Variants in KCNQ1OT1 observed in about 807,000 individuals in gnomAD.
KCNQ1OT1 encodes the protein KCNQ1 antisense RNA 2 (non-protein coding).
At position 2,658,332 on chromosome 11, in the gene KCNQ1OT1, G is replaced by A. The variant is rs1849888369; in HGVS notation, n.41663C>T. ...GAAGATTTGTCCCTCTCCTCCAATT[G>A]TTTATTTAATTTTATCAGTGTGGAT... On this transcript the variant is annotated non_coding_transcript_exon_variant, in exon 1 of 1. Transcript: ENST00000597346. This position sits in a 1 kb window ranked among gnomAD's most constrained non-coding sequence, Gnocchi z 4.9. The A allele has an allele frequency of 2.5e-6, 1 of 398,288 alleles. No individual in the cohort carries two copies. Among genetic ancestry groups the A allele is most frequent in the Non-Finnish European group, 4.4e-6 (1 of 225,978 alleles). The allele number at this position is 398,288 out of a possible 1,614,324, so 24.7% of individuals were successfully genotyped here.
chr11:2,672,201 A>C, exon 1 of KCNQ1OT1: 1 of 398,576 alleles, frequency 2.5e-6, no homozygotes, highest in South Asian at 1.3e-4. Context: ...CTGATTTGTT[A>C]AGTTAAATTG....
At position 2,664,421 on chromosome 11, in the gene KCNQ1OT1, C is replaced by T. The variant is rs1850025833; in HGVS notation, n.35574G>A. Reference sequence around the variant, plus strand: ...AGGGGAGAGTGGGCACGTACAGTGTCAGGGCCTAGGAACCCAGGCTCCTCT... The same window carrying T: ...AGGGGAGAGTGGGCACGTACAGTGTTAGGGCCTAGGAACCCAGGCTCCTCT... On this transcript the variant is annotated non_coding_transcript_exon_variant, in exon 1 of 1. Transcript: ENST00000597346. The surrounding 1 kb of genome is among the most constrained non-coding windows in gnomAD (Gnocchi z 5.1). 7.5e-6 allele frequency: 3 copies of T among 398,532 alleles called. No homozygotes were observed. Among genetic ancestry groups the T allele is most frequent in the African/African-American group, 4.1e-5 (2 of 48,610 alleles). The allele number at this position is 398,532 out of a possible 1,614,324, so 24.7% of individuals were successfully genotyped here.
rs530867557 is a variant in KCNQ1OT1 at position 2,674,440 on chromosome 11, G to A, written n.25555C>T. The A allele has an allele frequency of 4.0e-5, 16 of 398,668 alleles. 1 individual carries two copies. In the East Asian group the frequency reaches 5.7e-4, roughly 14 times the overall value. 24.7% of individuals were successfully genotyped at this position (398,668 alleles called of 1,614,324 possible). ...GCGCGCACACGACCACAGAGGCTGG[G>A]GGGAGGCACGTGGGGAGGAGGGCTG... On this transcript the variant is annotated non_coding_transcript_exon_variant, in exon 1 of 1. Transcript: ENST00000597346. This position sits in a 1 kb window ranked among gnomAD's most constrained non-coding sequence, Gnocchi z 5.9.
chr11:2,690,601 G>A lies in KCNQ1OT1; in HGVS notation n.9394C>T. 2.5e-6 allele frequency: 1 copy of A among 398,664 alleles called. No homozygotes were observed. The highest frequency in any genetic ancestry group is 3.6e-5 in the East Asian group (1 of 28,076). The allele number at this position is 398,664 out of a possible 1,614,324, so 24.7% of individuals were successfully genotyped here. ...AACCCACCTCCTGGCAGGGAGTGGG[G>A]CACACATATGTGCATGTTCATATAT... On this transcript the variant is annotated non_coding_transcript_exon_variant, in exon 1 of 1. Transcript: ENST00000597346. The surrounding 1 kb of genome is among the most constrained non-coding windows in gnomAD (Gnocchi z 5.1).
At chr11:2,610,201 A>C (rs1182803335) in exon 1 of KCNQ1OT1, 1 of 397,802 alleles carries the variant, frequency 2.5e-6, no homozygotes, top group Non-Finnish European at 4.4e-6. Flanking sequence ...TCTAGGGCTT[A>C]CCTTATGTAT....
exon 1 of KCNQ1OT1, chr11:2,693,763 G>C: frequency 2.5e-6 from 1 of 398,720 alleles, no homozygotes; most frequent in African/African-American, 2.1e-5. Context: ...CCAGTAACCT[G>C]GACATGCTGG....
exon 1 of KCNQ1OT1, chr11:2,665,744 C>G: frequency 2.5e-6 from 1 of 398,516 alleles, no homozygotes; most frequent in Non-Finnish European, 4.4e-6. Flanking sequence ...CCCCCAAAGC[C>G]CCAGGCATGG....
chr11:2,638,495 T>C (rs2133825648), exon 1 of KCNQ1OT1: 2 of 152,324 alleles, frequency 1.3e-5, no homozygotes, highest in African/African-American at 4.8e-5. Context: ...GAATGTTGAA[T>C]ATTGGCCCCC....
rs1454982068 is a variant in KCNQ1OT1, at chr11:2,691,406, CTGTCT to C, written n.8584_8588del. The C allele has an allele frequency of 5.0e-6, 2 of 398,660 alleles. No individual in the cohort carries two copies. The highest frequency in any genetic ancestry group is 4.4e-6 in the Non-Finnish European group (1 of 226,084). The allele number at this position is 398,660 out of a possible 1,614,324, so 24.7% of individuals were successfully genotyped here. A position where few individuals can be genotyped will look rare whatever the true frequency, so the allele number is the denominator to read the frequency against. On this transcript the variant is annotated non_coding_transcript_exon_variant, in exon 1 of 1. Coordinates refer to ENST00000597346, the Ensembl canonical transcript of KCNQ1OT1. The surrounding 1 kb of genome is among the most constrained non-coding windows in gnomAD (Gnocchi z 6.4). ...TCTGGGCATAGAAGCCCAGGAACTG[CTGTCT>C]GTGGGGAGTCCACTGAAGCTCCCTG...
chr11:2,643,007 G>T (rs1401383358), exon 1 of KCNQ1OT1: 1 of 397,442 alleles, frequency 2.5e-6, no homozygotes, highest in Non-Finnish European at 4.4e-6. Context: ...ATGCTATTGT[G>T]GTCTGAGAAG....
rs559972461 is a variant in KCNQ1OT1 at position 2,679,835 on chromosome 11, A to G, written n.20160T>C. 1 of 398,558 alleles carries G rather than the reference A, an allele frequency of 2.5e-6. No individual in the cohort carries two copies. The highest frequency in any genetic ancestry group is 3.6e-5 in the East Asian group (1 of 28,078). The allele number at this position is 398,558 out of a possible 1,614,324, so 24.7% of individuals were successfully genotyped here. ...GGGGCCAGACTGCTGCTACTTCTGA[A>G]TTTTATAGGACATGCATTTTTTTCA... On this transcript the variant is annotated non_coding_transcript_exon_variant, in exon 1 of 1. Coordinates refer to ENST00000597346, the Ensembl canonical transcript of KCNQ1OT1. This position sits in a 1 kb window ranked among gnomAD's most constrained non-coding sequence, Gnocchi z 4.8.
chr11:2,669,185 C>T lies in KCNQ1OT1; in HGVS notation n.30810G>A. The T allele has an allele frequency of 2.5e-6, 1 of 398,646 alleles. No individual in the cohort carries two copies. The highest frequency in any genetic ancestry group is 4.4e-5 in the Admixed American group (1 of 22,728). 24.7% of individuals were successfully genotyped at this position (398,646 alleles called of 1,614,324 possible). On this transcript the variant is annotated non_coding_transcript_exon_variant, in exon 1 of 1. Transcript: ENST00000597346. This position sits in a 1 kb window ranked among gnomAD's most constrained non-coding sequence, Gnocchi z 5.6. ...GTTCTTTGTGGCCAGGACCTTGCTT[C>T]CTTCTCACTGTAGTTTGCTAACAGG...
In KCNQ1OT1 at chr11:2,679,868, T is replaced by G. The variant is rs1850359736; in HGVS notation, n.20127A>C. 2.5e-6 allele frequency: 1 copy of G among 398,382 alleles called. No individual in the cohort carries two copies. Among genetic ancestry groups the G allele is most frequent in the Non-Finnish European group, 4.4e-6 (1 of 226,060 alleles). The allele number at this position is 398,382 out of a possible 1,614,324, so 24.7% of individuals were successfully genotyped here. On this transcript the variant is annotated non_coding_transcript_exon_variant, in exon 1 of 1. Coordinates refer to ENST00000597346, the Ensembl canonical transcript of KCNQ1OT1. The surrounding 1 kb of genome is among the most constrained non-coding windows in gnomAD (Gnocchi z 4.8). ...GGACATGCATTTTTTTCATATAAAC[T>G]TAGAACTAGCACGCCTAATTTTTTT...
exon 1 of KCNQ1OT1, chr11:2,692,345 A>T: frequency 2.5e-6 from 1 of 398,850 alleles, no homozygotes; most frequent in Non-Finnish European, 4.4e-6. Flanking sequence ...ATTTCTCTGT[A>T]CTGCAGGCAT....
At position 2,678,851 on chromosome 11, in the gene KCNQ1OT1, G is replaced by A. The variant is rs1477296087; in HGVS notation, n.21144C>T. ...CTTCAAGGAAGGCAGAATCCAGGTC[G>A]GGGGTGCACAGGAGTTGCCAGCTGG... On this transcript the variant is annotated non_coding_transcript_exon_variant, in exon 1 of 1. Coordinates refer to ENST00000597346, the Ensembl canonical transcript of KCNQ1OT1. This position sits in a 1 kb window ranked among gnomAD's most constrained non-coding sequence, Gnocchi z 4.9. 2.5e-5 allele frequency: 10 copies of A among 398,458 alleles called. No homozygotes were observed. Among genetic ancestry groups the A allele is most frequent in the Admixed American group, 4.4e-5 (1 of 22,720 alleles). 24.7% of individuals were successfully genotyped at this position (398,458 alleles called of 1,614,324 possible).
chr11:2,616,365 CTG>C (rs1849064166), exon 1 of KCNQ1OT1: 1 of 397,682 alleles, frequency 2.5e-6, no homozygotes, highest in Non-Finnish European at 4.4e-6. Flanking sequence ...TAAATTATCT[CTG>C]TTGTTTATTT....
rs988507134 is a variant in KCNQ1OT1 at position 2,664,464 on chromosome 11, G to A, written n.35531C>T. 2.5e-6 allele frequency: 1 copy of A among 398,608 alleles called. No homozygotes were observed. Among genetic ancestry groups the A allele is most frequent in the East Asian group, 3.6e-5 (1 of 28,082 alleles). 24.7% of individuals were successfully genotyped at this position (398,608 alleles called of 1,614,324 possible). A position where few individuals can be genotyped will look rare whatever the true frequency, so the allele number is the denominator to read the frequency against. ...GCTCCTCTGGGATACAGGCTGGGTA[G>A]AGGCCCCACTCCATCTGGGGGAGAA... On this transcript the variant is annotated non_coding_transcript_exon_variant, in exon 1 of 1. Coordinates refer to ENST00000597346, the Ensembl canonical transcript of KCNQ1OT1. This position sits in a 1 kb window ranked among gnomAD's most constrained non-coding sequence, Gnocchi z 5.1.
At chr11:2,692,061 C>T (rs1590035854) in exon 1 of KCNQ1OT1, 4 of 398,840 alleles carry the variant, frequency 1.0e-5, no homozygotes, top group Non-Finnish European at 1.8e-5. Flanking sequence ...TCCAACCCAG[C>T]CAGACCCACA....
Position 2,623,566 on chromosome 11 carries a change from T to C in KCNQ1OT1, n.76429A>G, listed in dbSNP as rs1849210200. The C allele has an allele frequency of 5.0e-6, 2 of 398,606 alleles. No individual in the cohort carries two copies. The highest frequency in any genetic ancestry group is 8.8e-6 in the Non-Finnish European group (2 of 226,054). 24.7% of individuals were successfully genotyped at this position (398,606 alleles called of 1,614,324 possible). ...CCTTATTTCACATAGTAATATGTTT[T>C]TTAATTACCTCCATATCTTTTCATG... On this transcript the variant is annotated non_coding_transcript_exon_variant, in exon 1 of 1. Coordinates refer to ENST00000597346, the Ensembl canonical transcript of KCNQ1OT1. This position sits in a 1 kb window ranked among gnomAD's most constrained non-coding sequence, Gnocchi z 5.2.
Sources: gnomAD v4.1 joint callset for allele counts on GRCh38, gnomAD v4.1.1 for gene constraint, Gnocchi (gnomAD v3.1) non-coding constraint, MANE v1.5 for transcripts, NCBI Gene and HGNC (gene_info 2026-07-23, HGNC 2026-07-21) for gene names.